The following TP63 variants were observed in gnomAD, a reference collection of about 807,000 sequenced individuals.
TP63 encodes tumor protein 63.
Under a neutral mutation model 82.8 loss-of-function variants are expected in TP63, and 17 were observed. The ratio of observed to expected loss-of-function variants is 0.21; its 90% CI spans 0.14 to 0.31. The LOEUF (loss-of-function observed/expected upper bound fraction) is 0.31. Among genes scored for constraint, TP63 ranks in the 10% least tolerant of loss-of-function variants. The pLI is 1.00. For synonymous variants in TP63, 330 were observed against 321.7 expected (o/e 1.03, Z -0.28); for missense variants, 648 against 895.3 (o/e 0.72, Z 3.52).
At chr3:189,772,989 TCTTTC>T (rs1723490301) in intron 3 of TP63, among the ~76,000 whole-genome samples, 1 of 152,102 alleles carries the variant, frequency 6.6e-6, no homozygotes, top group African/African-American at 2.4e-5. Flanking sequence ...GACAACGGGG[TCTTTC>T]CTTTTATTCT....
chr3:189,626,663 G>A (rs139078306), upstream of TP63, among the ~76,000 whole-genome samples: 43 of 152,312 alleles, frequency 2.8e-4, no homozygotes, highest in East Asian at 7.1e-3. Flanking sequence ...CAGTCCAGAT[G>A]ATCAGGCCTC....
At chr3:189,608,876 A>T in the TP63 span, among the ~76,000 whole-genome samples, 1 of 150,554 alleles carries the variant, frequency 6.6e-6, no homozygotes. Context: ...AGCTTCACAA[A>T]CCCCCTGCCT....
intron 10 of TP63, among the ~76,000 whole-genome samples, chr3:189,876,892 GAT>G (rs1719290562): frequency 6.6e-6 from 1 of 152,130 alleles, no homozygotes; most frequent in African/African-American, 2.4e-5. Flanking sequence ...TTTCCAAAAA[GAT>G]AGTACCAATT....
intron 3 of TP63, among the ~76,000 whole-genome samples, chr3:189,740,051 A>G (rs903411564): frequency 6.6e-6 from 1 of 151,808 alleles, no homozygotes; most frequent in Non-Finnish European, 1.5e-5. Context: ...GAAAGGCAAG[A>G]GGAAACAAAA....
intron 3 of TP63, among the ~76,000 whole-genome samples, chr3:189,771,830 C>A (rs921303521): frequency 1.3e-5 from 2 of 152,098 alleles, no homozygotes; most frequent in African/African-American, 2.4e-5. Context: ...TTGATTGATT[C>A]ATTTATTCTT....
At chr3:189,617,613 AC>A in the TP63 span, among the ~76,000 whole-genome samples, 4 of 152,290 alleles carry the variant, frequency 2.6e-5, no homozygotes, top group African/African-American at 9.6e-5. Flanking sequence ...TACTCTACTT[AC>A]CCCGTTCAAC....
intron 4 of TP63, among the ~76,000 whole-genome samples, chr3:189,818,700 C>T (rs1728461931): frequency 2.0e-5 from 3 of 151,936 alleles, no homozygotes; most frequent in South Asian, 2.1e-4. Context: ...AATGATATTA[C>T]TTAAGAATTT....
chr3:189,615,100 T>C, the TP63 span, among the ~76,000 whole-genome samples: 1 of 152,268 alleles, frequency 6.6e-6, no homozygotes, highest in Admixed American at 6.5e-5. Context: ...TACCACATCC[T>C]GGGTAATTTC....
At chr3:189,889,923 T>A (rs892464512) in intron 12 of TP63, among the ~76,000 whole-genome samples, 2 of 152,102 alleles carry the variant, frequency 1.3e-5, no homozygotes, top group Non-Finnish European at 2.9e-5. Context: ...CCATAAAAAG[T>A]TTTAATGTTA....
At chr3:189,671,073 G>A (rs1394892641) in intron 1 of TP63, among the ~76,000 whole-genome samples, 1 of 151,958 alleles carries the variant, frequency 6.6e-6, no homozygotes, top group Admixed American at 6.6e-5. Context: ...CAAAGGAAAC[G>A]ATCAGCAGAG....
intron 10 of TP63, chr3:189,881,042 CA>C: frequency 1.0e-6 from 1 of 985,302 alleles, no homozygotes; most frequent in Non-Finnish European, 1.2e-6. Flanking sequence ...TACCATTATT[CA>C]AAGCTCAAAA....
chr3:189,652,989 A>G (rs1372166623), intron 1 of TP63, among the ~76,000 whole-genome samples: 3 of 146,862 alleles, frequency 2.0e-5, no homozygotes, highest in African/African-American at 7.7e-5. Flanking sequence ...ATTCAGTCTC[A>G]GGCATGTCTT....
At chr3:189,811,002 A>T (rs1314709402) in intron 4 of TP63, among the ~76,000 whole-genome samples, 2 of 152,222 alleles carry the variant, frequency 1.3e-5, no homozygotes, top group East Asian at 3.8e-4. Flanking sequence ...AAGAAAAGAA[A>T]ATATTCTGGT....
chr3:189,748,795 T>A (rs1373175711), intron 3 of TP63, among the ~76,000 whole-genome samples: 1 of 152,040 alleles, frequency 6.6e-6, no homozygotes, highest in African/African-American at 2.4e-5. Flanking sequence ...GTTAGAAGCC[T>A]AAAGTAACCA....
chr3:189,748,572 C>A (rs1330373341), intron 3 of TP63, among the ~76,000 whole-genome samples: 2 of 142,082 alleles, frequency 1.4e-5, no homozygotes, highest in East Asian at 4.3e-4. Flanking sequence ...ATTCTATGCT[C>A]ATGGATTGGA....
At chr3:189,706,556 G>T (rs1718216646) in intron 1 of TP63, among the ~76,000 whole-genome samples, 1 of 152,074 alleles carries the variant, frequency 6.6e-6, no homozygotes, top group African/African-American at 2.4e-5. Context: ...GCCCGGCCGT[G>T]AATTTACTTC....
At chr3:189,859,096 C>T (rs1275698830) in intron 4 of TP63, among the ~76,000 whole-genome samples, 1 of 151,988 alleles carries the variant, frequency 6.6e-6, no homozygotes, top group Non-Finnish European at 1.5e-5. Flanking sequence ...TTGCATATTT[C>T]AAAATAGCTA....
chr3:189,659,105 T>G (rs1416083071), intron 1 of TP63, among the ~76,000 whole-genome samples: 1 of 152,070 alleles, frequency 6.6e-6, no homozygotes, highest in East Asian at 1.9e-4. Flanking sequence ...GGGGTACATG[T>G]GCAGTTGTGT....
chr3:189,621,298 C>T, the TP63 span, among the ~76,000 whole-genome samples: 1 of 152,066 alleles, frequency 6.6e-6, no homozygotes, highest in Non-Finnish European at 1.5e-5. Flanking sequence ...AAATACACTG[C>T]ATAGATTGCT....
Sources: allele counts gnomAD v4.1 joint callset (sites outside exome capture counted in the v4.1 genomes callset), GRCh38; gene constraint gnomAD v4.1.1; transcripts MANE v1.5; gene names NCBI Gene and HGNC (gene_info 2026-07-23, HGNC 2026-07-21).